ANKRD11: variants seen among roughly 807,000 people sequenced by gnomAD.
ANKRD11 encodes ankyrin repeat domain-containing protein 11.
ANKRD11 carries 17 observed loss-of-function variants against 195.7 expected under a neutral mutation model. That is an observed-to-expected ratio of 0.09 (90% confidence interval 0.06 to 0.13). ANKRD11 has a LOEUF of 0.13. ANKRD11 is among the 10% of genes least tolerant of loss of function. The pLI is 1.00. For missense variants in ANKRD11, 3,735 were observed against 3,566.1 expected, an observed-to-expected ratio of 1.05 and a Z score of -1.21; for synonymous variants, 1,953 against 1,528.1, an observed-to-expected ratio of 1.28 and a Z score of -6.49.
At chr16:89,476,061 A>G (rs907979342) in intron 1 of ANKRD11, among the ~76,000 whole-genome samples, 22 of 152,098 alleles carry the variant, frequency 1.4e-4, no homozygotes, top group African/African-American at 4.1e-4. Context: ...CAAAAAAAAA[A>G]AAAAAGAAAA....
chr16:89,380,698 G>A (rs947522653), intron 2 of ANKRD11, among the ~76,000 whole-genome samples: 1 of 152,234 alleles, frequency 6.6e-6, no homozygotes, highest in South Asian at 2.1e-4. Flanking sequence ...AGCCTGACGA[G>A]TACCTGCCTG....
chr16:89,350,856 A>G (rs538058246), intron 2 of ANKRD11, among the ~76,000 whole-genome samples: 15 of 152,262 alleles, frequency 9.9e-5, no homozygotes, highest in Admixed American at 6.5e-4. Flanking sequence ...ATGCTAATGG[A>G]GTGGAACGGG....
chr16:89,289,636 C>T (rs997586412), intron 6 of ANKRD11, among the ~76,000 whole-genome samples: 1 of 152,188 alleles, frequency 6.6e-6, no homozygotes, highest in Non-Finnish European at 1.5e-5. Flanking sequence ...TCAGAGGTGC[C>T]CTCTGCTGGA....
chr16:89,290,894 G>C, intron 5 of ANKRD11, 66 bp from the exon 6 acceptor site: 2 of 1,609,898 alleles, frequency 1.2e-6, no homozygotes, highest in South Asian at 1.1e-5. Flanking sequence ...CAATCTTCAA[G>C]AGCCCAGGCC....
At chr16:89,415,850 A>AAAAAAAAAAAAAAAAAAAAAAAAAC (rs928499930) in intron 2 of ANKRD11, among the ~76,000 whole-genome samples, 1 of 147,384 alleles carries the variant, frequency 6.8e-6, no homozygotes, top group African/African-American at 2.5e-5. Context: ...AAAAAAAAAA[A>AAAAAAAAAAAAAAAAAAAAAAAAAC]CAATGGAGAA....
chr16:89,287,383 AC>A, intron 7 of ANKRD11: 1 of 242,986 alleles, frequency 4.1e-6, no homozygotes, highest in South Asian at 4.9e-5. Flanking sequence ...GGGTCACAAC[AC>A]GGGCATCTTG....
chr16:89,297,325 T>C (rs568623612), intron 4 of ANKRD11, among the ~76,000 whole-genome samples: 4 of 152,294 alleles, frequency 2.6e-5, no homozygotes, highest in Admixed American at 6.5e-5. Context: ...CAAAGGGATG[T>C]TTCCATGGCG....
rs140019257 is a variant in ANKRD11 at position 89,446,824 on chromosome 16, C to T, written c.-144-28456G>A. 2.8e-3 allele frequency among the ~76,000 whole-genome samples: 429 copies of T among 152,196 alleles called. 3 individuals are homozygous for T. The highest frequency in any genetic ancestry group is 9.1e-3 in the African/African-American group (379 of 41,490). Reference sequence around the variant, plus strand: ...CCACTCAAACCTCGAGCATCCGCTTCTCTCCTCCTCCACTCTGGGGCACAG... The same window carrying T: ...CCACTCAAACCTCGAGCATCCGCTTTTCTCCTCCTCCACTCTGGGGCACAG... On this transcript the variant is annotated intron_variant, in intron 1 of 12. Transcript: ENST00000301030.
intron 2 of ANKRD11, among the ~76,000 whole-genome samples, chr16:89,374,327 T>C (rs1313578293): frequency 6.7e-6 from 1 of 149,814 alleles, no homozygotes; most frequent in Non-Finnish European, 1.5e-5. Flanking sequence ...TGGCTCACCA[T>C]GTGTTTTTGT....
intron 2 of ANKRD11, among the ~76,000 whole-genome samples, chr16:89,333,424 T>C (rs947891064): frequency 6.6e-6 from 1 of 152,156 alleles, no homozygotes; most frequent in Non-Finnish European, 1.5e-5. Context: ...GTGCAGTCTA[T>C]GGTTGGACGA....
intron 2 of ANKRD11, among the ~76,000 whole-genome samples, chr16:89,373,741 G>A (rs79785519): frequency 7.9e-5 from 12 of 152,182 alleles, no homozygotes; most frequent in Admixed American, 3.9e-4. Context: ...GCATGCACAC[G>A]ACACCCCTCC....
rs537142517 is a variant in ANKRD11 at position 89,457,579 on chromosome 16, G to A, written c.-145+32666C>T. ...CGCCACTGCACTCCAGCAAGGCTCC[G>A]TCTCAAGAAAAAAAAAAAAAAAGAC... On this transcript the variant is annotated intron_variant, in intron 1 of 12. Coordinates refer to ENST00000301030, the MANE Select transcript of ANKRD11 (RefSeq NM_013275.6). Among the ~76,000 whole-genome samples the A allele has an allele frequency of 4.3e-5, 5 of 115,894 alleles. No individual in the cohort carries two copies. The South Asian group carries it at 1.4e-3, about 31-fold the overall frequency. The allele number at this position is 115,894 out of a possible 152,430, so 76.0% of individuals were successfully genotyped here. A position where few individuals can be genotyped will look rare whatever the true frequency, so the allele number is the denominator to read the frequency against.
chr16:89,452,709 G>A (rs2044135606), intron 1 of ANKRD11, among the ~76,000 whole-genome samples: 1 of 150,440 alleles, frequency 6.6e-6, no homozygotes, highest in Non-Finnish European at 1.5e-5. Context: ...AGACCTGGGA[G>A]GCAGAGGTTG....
intron 1 of ANKRD11, among the ~76,000 whole-genome samples, chr16:89,422,562 C>T (rs1380403630): frequency 1.3e-5 from 2 of 152,142 alleles, no homozygotes; most frequent in Admixed American, 6.5e-5. Flanking sequence ...ACACGATATT[C>T]GCGCTGACCC....
chr16:89,400,964 G>A (rs929737256), intron 2 of ANKRD11, among the ~76,000 whole-genome samples: 1 of 152,186 alleles, frequency 6.6e-6, no homozygotes, highest in African/African-American at 2.4e-5. Context: ...TCCCCCGTCT[G>A]CCCCGGGGCT....
At chr16:89,452,582 G>C (rs1485985564) in intron 1 of ANKRD11, among the ~76,000 whole-genome samples, 8 of 151,958 alleles carry the variant, frequency 5.3e-5, no homozygotes. Context: ...ATTGAGACCA[G>C]CCTGGCCAAC....
At chr16:89,416,609 A>C (rs1235366647) in intron 2 of ANKRD11, among the ~76,000 whole-genome samples, 1 of 151,404 alleles carries the variant, frequency 6.6e-6, no homozygotes, top group African/African-American at 2.4e-5. Context: ...CTAATTGCTG[A>C]TTAATAATTT....
At chr16:89,383,359 C>T (rs151208479) in intron 2 of ANKRD11, among the ~76,000 whole-genome samples, 22 of 152,376 alleles carry the variant, frequency 1.4e-4, no homozygotes, top group African/African-American at 3.8e-4. Flanking sequence ...CCCATACCAA[C>T]GCTGACCTCC....
At chr16:89,329,876 C>T (rs1016742743) in intron 2 of ANKRD11, among the ~76,000 whole-genome samples, 12 of 151,934 alleles carry the variant, frequency 7.9e-5, no homozygotes, top group African/African-American at 2.4e-4. Context: ...CATGGTGGTG[C>T]GTGCCTGTAA....
Sources: gnomAD v4.1 joint callset for allele counts (sites outside exome capture counted in the v4.1 genomes callset) on GRCh38, gnomAD v4.1.1 for gene constraint, MANE v1.5 for transcripts, NCBI Gene and HGNC (gene_info 2026-07-23, HGNC 2026-07-21) for gene names.